Variants in GREM1 observed in about 807,000 individuals in gnomAD.
GREM1 encodes the protein gremlin 1, DAN family BMP antagonist.
Under a neutral mutation model 13.1 loss-of-function variants are expected in GREM1, and 6 were observed. The observed-to-expected ratio is 0.46, with a 90% CI of 0.25 to 0.91. The LOEUF (loss-of-function observed/expected upper bound fraction) is 0.91. GREM1 is among the 40% of genes least tolerant of loss of function. GREM1 has a pLI of 0.18. For synonymous variants in GREM1, 98 were observed against 93.7 expected, an observed-to-expected ratio of 1.05 and a Z score of -0.27; for missense variants, 185 against 233.9, an observed-to-expected ratio of 0.79 and a Z score of 1.36.
Position 32,738,101 on chromosome 15 carries a change from A to ACC in GREM1, c.*6856_*6857insCC, listed in dbSNP as rs1567117453. ...AATTAGGCAAAAAAAAAAAAAAAAA[A>ACC]AAAAAAAAAAAAAAAAAAAAAAAAA... is the stretch of plus-strand genomic sequence containing the variant. On this transcript the variant is annotated 3_prime_UTR_variant, in exon 2 of 2. Transcript: ENST00000651154. 3.5e-5 allele frequency: 3 copies of ACC among 84,626 alleles called. No homozygotes were observed. Among genetic ancestry groups the ACC allele is most frequent in the Non-Finnish European group, 7.2e-5 (3 of 41,582 alleles). 5.2% of individuals were successfully genotyped at this position (84,626 alleles called of 1,614,324 possible). A position where few individuals can be genotyped will look rare whatever the true frequency, so the allele number is the denominator to read the frequency against.
intron 1 of GREM1, among the ~76,000 whole-genome samples, chr15:32,727,709 T>G (rs2140683061): frequency 6.6e-6 from 1 of 152,298 alleles, no homozygotes; most frequent in East Asian, 1.9e-4. Context: ...TTGTCTCTGT[T>G]TGCAGATGAC....
Position 32,734,284 on chromosome 15 carries a change from A to G in GREM1, c.*3039A>G. 1 of 245,034 alleles carries G rather than the reference A, an allele frequency of 4.1e-6. No individual in the cohort carries two copies. Among genetic ancestry groups the G allele is most frequent in the Non-Finnish European group, 8.6e-6 (1 of 116,268 alleles). 15.2% of individuals were successfully genotyped at this position (245,034 alleles called of 1,614,324 possible). On this transcript the variant is annotated 3_prime_UTR_variant, in exon 2 of 2. Coordinates refer to ENST00000651154, the MANE Select transcript of GREM1 (RefSeq NM_013372.7). ...TGGAAGACTTACGATGCATGTATAC[A>G]AACGAATAGCAGATAATGATGACTA...
At chr15:32,721,255 C>G (rs146306610) in intron 1 of GREM1, among the ~76,000 whole-genome samples, 66 of 151,096 alleles carry the variant, frequency 4.4e-4, no homozygotes, top group African/African-American at 1.5e-3. Flanking sequence ...AGTGTAGATT[C>G]CCTGATTGGT....
rs1468507855 is a variant in GREM1, at chr15:32,736,089, GT to G, written c.*4845del. 1 of 152,198 alleles carries G rather than the reference GT, an allele frequency of 6.6e-6. No homozygotes were observed. The highest frequency in any genetic ancestry group is 1.5e-5 in the Non-Finnish European group (1 of 68,040). 9.4% of individuals were successfully genotyped at this position (152,198 alleles called of 1,614,324 possible). A position where few individuals can be genotyped will look rare whatever the true frequency, so the allele number is the denominator to read the frequency against. On this transcript the variant is annotated 3_prime_UTR_variant, in exon 2 of 2. Coordinates refer to ENST00000651154, the MANE Select transcript of GREM1 (RefSeq NM_013372.7). ...ATCAGCAGTCTGGCAGCCACTGAAGGTGACAGAATGGAGTTGGAGTTCTTTC... is the reference window on the plus strand; with the variant it reads ...ATCAGCAGTCTGGCAGCCACTGAAGGGACAGAATGGAGTTGGAGTTCTTTC...
chr15:32,718,017 TC>T lies in GREM1; in HGVS notation c.-144del. 1 of 1,079,728 alleles carries T rather than the reference TC, an allele frequency of 9.3e-7. No homozygotes were observed. The highest frequency in any genetic ancestry group is 1.1e-6 in the Non-Finnish European group (1 of 889,122). 66.9% of individuals were successfully genotyped at this position (1,079,728 alleles called of 1,614,324 possible). On this transcript the variant is annotated 5_prime_UTR_variant, in exon 1 of 2. Coordinates refer to ENST00000651154, the MANE Select transcript of GREM1 (RefSeq NM_013372.7). ...GCGATGCCTGGCACTCGGTGCGCCT[TC>T]CGCGGACCGGGCGACCCAGTGCACG...
chr15:32,740,543 G>C lies in GREM1; in HGVS notation c.*9298G>C, dbSNP rs1192015625. ...AAGACAGGTCATTGGAAATAATTCA[G>C]TTAGAGGAGAAATTAAAATGAAAAA... On this transcript the variant is annotated 3_prime_UTR_variant, in exon 2 of 2. Transcript: ENST00000651154. 1.3e-5 allele frequency: 2 copies of C among 152,106 alleles called. No homozygotes were observed. Among genetic ancestry groups the C allele is most frequent in the Admixed American group, 1.3e-4 (2 of 15,270 alleles). The allele number at this position is 152,106 out of a possible 1,614,324, so 9.4% of individuals were successfully genotyped here.
chr15:32,730,952 T>C lies in GREM1; in HGVS notation c.262T>C (p.Tyr88His), dbSNP rs1340557778. 2 of 1,613,956 alleles carry C rather than the reference T, an allele frequency of 1.2e-6. No individual in the cohort carries two copies. Among genetic ancestry groups the C allele is most frequent in the Non-Finnish European group, 1.7e-6 (2 of 1,180,002 alleles). The change falls in exon 2 of 2, where the codon TAC (tyrosine) becomes CAC (histidine). Residue 88 changes from tyrosine to histidine, a missense_variant. By Grantham distance (83) the Tyr-to-His change is moderately conservative. Coordinates refer to ENST00000651154, the MANE Select transcript of GREM1 (RefSeq NM_013372.7). ...QEALHVTERK[Y>H]LKRDWCKTQP... is the part of the protein sequence containing the mutation. ...GGCCCTGCATGTGACGGAGCGCAAA[T>C]ACCTGAAGCGAGACTGGTGCAAAAC...
intron 1 of GREM1, among the ~76,000 whole-genome samples, chr15:32,728,568 G>T (rs1277264550): frequency 6.6e-6 from 1 of 152,200 alleles, no homozygotes; most frequent in Non-Finnish European, 1.5e-5. Context: ...ACCATGTGCT[G>T]TTCATTAGAA....
In GREM1 at chr15:32,725,823, G is replaced by A. The variant is rs2178264; in HGVS notation, c.-1-4867G>A. On this transcript the variant is annotated intron_variant, in intron 1 of 1. Coordinates refer to ENST00000651154, the MANE Select transcript of GREM1 (RefSeq NM_013372.7). ...TGAATTAATTTTTGTATAAGGTGTA[G>A]GGAAAGGGTCCAGTTTCAGTTTTCT... Among the ~76,000 whole-genome samples, 64,442 of 151,952 alleles carry A rather than the reference G, an allele frequency of 0.42. 13,773 individuals carry two copies. Among genetic ancestry groups the A allele is most frequent in the African/African-American group, 0.47 (19,377 of 41,450 alleles).
Position 32,731,297 on chromosome 15 carries a change from C to T in GREM1, c.*52C>T. The T allele has an allele frequency of 7.0e-7, 1 of 1,433,034 alleles. No homozygotes were observed. The highest frequency in any genetic ancestry group is 9.7e-7 in the Non-Finnish European group (1 of 1,034,274). 88.8% of individuals were successfully genotyped at this position (1,433,034 alleles called of 1,614,324 possible). A position where few individuals can be genotyped will look rare whatever the true frequency, so the allele number is the denominator to read the frequency against. On this transcript the variant is annotated 3_prime_UTR_variant, in exon 2 of 2. Coordinates refer to ENST00000651154, the MANE Select transcript of GREM1 (RefSeq NM_013372.7). ...CCTAGGAATGCAGCCCCAGGAAGTC[C>T]CAGACCTAAAACAACCAGATTCTTA... is the stretch of plus-strand genomic sequence containing the variant.
intron 1 of GREM1, among the ~76,000 whole-genome samples, chr15:32,727,997 A>C (rs1314270798): frequency 1.3e-5 from 2 of 152,236 alleles, no homozygotes; most frequent in Non-Finnish European, 2.9e-5. Flanking sequence ...GACACAAACA[A>C]ATGGAAAAAC....
chr15:32,721,213 G>T (rs1369940680), intron 1 of GREM1, among the ~76,000 whole-genome samples: 1 of 152,140 alleles, frequency 6.6e-6, no homozygotes, highest in Non-Finnish European at 1.5e-5. Flanking sequence ...CTTATGAGCT[G>T]TGTGACCTTG....
chr15:32,738,890 G>C lies in GREM1; in HGVS notation c.*7645G>C, dbSNP rs2055737271. On this transcript the variant is annotated 3_prime_UTR_variant, in exon 2 of 2. Coordinates refer to ENST00000651154, the MANE Select transcript of GREM1 (RefSeq NM_013372.7). ...GGAGGCTGAGGCATGAGGATCACTT[G>C]AGCCCAGAAGATTGTACCACTGCAC... 6.6e-6 allele frequency: 1 copy of C among 152,170 alleles called. No individual in the cohort carries two copies. Among genetic ancestry groups the C allele is most frequent in the African/African-American group, 2.4e-5 (1 of 41,444 alleles). The allele number at this position is 152,170 out of a possible 1,614,324, so 9.4% of individuals were successfully genotyped here. A position where few individuals can be genotyped will look rare whatever the true frequency, so the allele number is the denominator to read the frequency against.
intron 1 of GREM1, among the ~76,000 whole-genome samples, chr15:32,729,259 C>G (rs778994245): frequency 6.6e-6 from 1 of 152,176 alleles, no homozygotes; most frequent in South Asian, 2.1e-4. Flanking sequence ...CTCCTGACCT[C>G]GTGATCCGCC....
rs1295631438 is a variant in GREM1 at position 32,736,649 on chromosome 15, A to T, written c.*5404A>T. On this transcript the variant is annotated 3_prime_UTR_variant, in exon 2 of 2. Coordinates refer to ENST00000651154, the MANE Select transcript of GREM1 (RefSeq NM_013372.7). ...GAAATCCGTGTACAACTATTAGATGACTACTAACCAAGCAGAGACTTCAGT... is the reference window on the plus strand; with the variant it reads ...GAAATCCGTGTACAACTATTAGATGTCTACTAACCAAGCAGAGACTTCAGT... 6.6e-6 allele frequency: 1 copy of T among 152,182 alleles called. No homozygotes were observed. Among genetic ancestry groups the T allele is most frequent in the East Asian group, 1.9e-4 (1 of 5,190 alleles). The allele number at this position is 152,182 out of a possible 1,614,324, so 9.4% of individuals were successfully genotyped here. A position where few individuals can be genotyped will look rare whatever the true frequency, so the allele number is the denominator to read the frequency against.
chr15:32,729,093 G>A (rs1053193572), intron 1 of GREM1, among the ~76,000 whole-genome samples: 3 of 150,946 alleles, frequency 2.0e-5, no homozygotes, highest in Admixed American at 1.3e-4. Flanking sequence ...GCGCGATCTC[G>A]GCTCACTGCA....
rs1409789397 is a variant in GREM1 at position 32,734,027 on chromosome 15, T to C, written c.*2782T>C. The C allele has an allele frequency of 1.6e-5, 4 of 242,578 alleles. No homozygotes were observed. The highest frequency in any genetic ancestry group is 3.5e-5 in the Non-Finnish European group (4 of 114,768). The allele number at this position is 242,578 out of a possible 1,614,324, so 15.0% of individuals were successfully genotyped here. Reference sequence around the variant, plus strand: ...ACTTCAAATCCTTTGGTCACTGTGATTTCAAGCATGTTTTCTTTTTCTCCT... The same window carrying C: ...ACTTCAAATCCTTTGGTCACTGTGACTTCAAGCATGTTTTCTTTTTCTCCT... On this transcript the variant is annotated 3_prime_UTR_variant, in exon 2 of 2. Coordinates refer to ENST00000651154, the MANE Select transcript of GREM1 (RefSeq NM_013372.7).
chr15:32,723,250 G>C (rs904990509), intron 1 of GREM1, among the ~76,000 whole-genome samples: 1 of 152,160 alleles, frequency 6.6e-6, no homozygotes, highest in African/African-American at 2.4e-5. Flanking sequence ...ACTACAACTG[G>C]GATTTCAAGT....
rs115899948 is a variant in GREM1, at chr15:32,734,355, T to C, written c.*3110T>C. 2.2e-3 allele frequency: 540 copies of C among 246,428 alleles called. 4 individuals carry two copies. Among genetic ancestry groups the C allele is most frequent in the African/African-American group, 0.011 (508 of 45,394 alleles). 15.3% of individuals were successfully genotyped at this position (246,428 alleles called of 1,614,324 possible). A position where few individuals can be genotyped will look rare whatever the true frequency, so the allele number is the denominator to read the frequency against. On this transcript the variant is annotated 3_prime_UTR_variant, in exon 2 of 2. Coordinates refer to ENST00000651154, the MANE Select transcript of GREM1 (RefSeq NM_013372.7). ...TAAGGAGAAAATCTAAAATGAAAAG[T>C]GGATAAACAGAACATTTATAAGTGA...
Sources: allele counts gnomAD v4.1 joint callset (sites outside exome capture counted in the v4.1 genomes callset), GRCh38; gene constraint gnomAD v4.1.1; transcripts MANE v1.5; gene names NCBI Gene and HGNC (gene_info 2026-07-23, HGNC 2026-07-21).